The following CRB1 variants were observed in gnomAD, a reference collection of about 807,000 sequenced individuals.
CRB1 encodes protein crumbs homolog 1.
Under a neutral mutation model 120.0 loss-of-function variants are expected in CRB1, and 83 were observed. The ratio of observed to expected loss-of-function variants is 0.69; its 90% CI spans 0.58 to 0.83. CRB1 has a LOEUF of 0.83. CRB1 is among the 40% of genes least tolerant of loss of function. The pLI is 0.00. For synonymous variants in CRB1, 625 were observed against 612.5 expected (o/e 1.02, Z -0.30); for missense variants, 1,699 against 1,687.6 (o/e 1.01, Z -0.12).
chr1:197,210,103 A>AT, the CRB1 span, among the ~76,000 whole-genome samples: 1 of 152,212 alleles, frequency 6.6e-6, no homozygotes, highest in East Asian at 1.9e-4. Flanking sequence ...CCTATTCACC[A>AT]TTTTTTCCCT....
intron 5 of CRB1, among the ~76,000 whole-genome samples, chr1:197,389,357 G>C (rs1310451176): frequency 3.9e-5 from 6 of 152,028 alleles, no homozygotes; most frequent in Non-Finnish European, 8.8e-5. Context: ...ATATAATTCA[G>C]GCTTAAAAAG....
chr1:197,467,021 C>T (rs1447576500), intron 11 of CRB1, among the ~76,000 whole-genome samples: 1 of 152,026 alleles, frequency 6.6e-6, no homozygotes, highest in Non-Finnish European at 1.5e-5. Flanking sequence ...GAGATAAGAC[C>T]ATCAATGAGA....
chr1:197,216,795 C>A, the CRB1 span, among the ~76,000 whole-genome samples: 20 of 152,232 alleles, frequency 1.3e-4, no homozygotes, highest in Non-Finnish European at 5.9e-5. Context: ...TGCCATAGGT[C>A]AGGAATGAGG....
At chr1:197,344,177 A>G in intron 2 of CRB1, 104 bp from the exon 3 acceptor site, 1 of 1,127,808 alleles carries the variant, frequency 8.9e-7, no homozygotes, top group Admixed American at 1.7e-5. Context: ...TGGGTAACAG[A>G]ACATTTGACA....
intron 5 of CRB1, among the ~76,000 whole-genome samples, chr1:197,393,079 T>G (rs1662591169): frequency 6.6e-6 from 1 of 152,050 alleles, no homozygotes; most frequent in Non-Finnish European, 1.5e-5. Context: ...AACATAAATA[T>G]AGTTAGGGCT....
rs770368026 is a variant in CRB1 at position 197,477,814 on chromosome 1, A to G, written c.4156A>G (p.Lys1386Glu). The change falls in exon 12 of 12, where the codon AAG becomes GAG. Residue 1386 changes from lysine (K) to glutamate (E), a missense_variant. Physicochemically the swap from Lys to Glu is moderately conservative, Grantham distance 56. Transcript: ENST00000367400. ...QGTYSPSRQE[K>E]EGSRVEMWNL... ...AACCTACAGCCCCAGCCGTCAGGAGAAGGAGGGCTCCCGAGTGGAAATGTG... is the reference window on the plus strand; with the variant it reads ...AACCTACAGCCCCAGCCGTCAGGAGGAGGAGGGCTCCCGAGTGGAAATGTG... 15 of 1,613,736 alleles carry G rather than the reference A, an allele frequency of 9.3e-6. No individual in the cohort carries two copies. In the South Asian group the frequency reaches 1.5e-4, roughly 17 times the overall value.
upstream of CRB1, chr1:197,268,060 G>A (rs1389559680): frequency 7.3e-5 from 19 of 261,000 alleles, no homozygotes; most frequent in South Asian, 7.2e-4. Context: ...TCCCTCTATT[G>A]AGAGCAATTG....
intron 4 of CRB1, among the ~76,000 whole-genome samples, chr1:197,349,212 G>T (rs908309699): frequency 5.3e-5 from 8 of 152,308 alleles, no homozygotes; most frequent in Admixed American, 2.0e-4. Flanking sequence ...GTACAGGTTT[G>T]TAGCCTAGCA....
intron 1 of CRB1, among the ~76,000 whole-genome samples, chr1:197,277,143 A>T (rs1274374446): frequency 6.6e-6 from 1 of 151,964 alleles, no homozygotes; most frequent in Non-Finnish European, 1.5e-5. Flanking sequence ...AAAAGTTTTC[A>T]TTCTACCTTT....
Position 197,477,504 on chromosome 1 carries a change from A to G in CRB1, c.4006-160A>G, listed in dbSNP as rs756684465. On this transcript the variant is annotated intron_variant, in intron 11 of 11. Transcript: ENST00000367400. Reference sequence around the variant, plus strand: ...ATGATTATTTGTAAATGATTTGAGAATAAGAAAATCTGACTTTCTTTTAAT... The same window carrying G: ...ATGATTATTTGTAAATGATTTGAGAGTAAGAAAATCTGACTTTCTTTTAAT... 5 of 725,064 alleles carry G rather than the reference A, an allele frequency of 6.9e-6. No individual in the cohort carries two copies. In the South Asian group the frequency reaches 7.5e-5, roughly 11 times the overall value. 44.9% of individuals were successfully genotyped at this position (725,064 alleles called of 1,614,324 possible). A position where few individuals can be genotyped will look rare whatever the true frequency, so the allele number is the denominator to read the frequency against.
intron 11 of CRB1, among the ~76,000 whole-genome samples, chr1:197,470,335 A>G (rs933520845): frequency 6.6e-6 from 1 of 152,216 alleles, no homozygotes. Context: ...GAGGATGGTC[A>G]GGGAAGGTCT....
chr1:197,429,205 C>T, intron 7 of CRB1: 12 of 1,501,864 alleles, frequency 8.0e-6, no homozygotes, highest in Non-Finnish European at 1.1e-5. Flanking sequence ...AAAAACCCTC[C>T]TTGTGCTATG....
chr1:197,379,759 T>G (rs890700799), intron 5 of CRB1, among the ~76,000 whole-genome samples: 1 of 152,188 alleles, frequency 6.6e-6, no homozygotes, highest in African/African-American at 2.4e-5. Flanking sequence ...ATAATAAGTT[T>G]CATAAGATGG....
At chr1:197,440,005 G>A (rs1275006961) in intron 10 of CRB1, 1 of 152,168 alleles carries the variant, frequency 6.6e-6, no homozygotes, top group African/African-American at 2.4e-5. Context: ...ATATGTGCAT[G>A]AAAGGAGATA....
At chr1:197,420,659 C>A (rs1011383124) in intron 5 of CRB1, among the ~76,000 whole-genome samples, 1 of 152,190 alleles carries the variant, frequency 6.6e-6, no homozygotes, top group Non-Finnish European at 1.5e-5. Context: ...TTGTATCTTA[C>A]ATCAGTGCCA....
intron 1 of CRB1, among the ~76,000 whole-genome samples, chr1:197,272,498 C>T (rs1220818829): frequency 6.6e-6 from 1 of 151,852 alleles, no homozygotes; most frequent in Non-Finnish European, 1.5e-5. Context: ...TTCATGGTCT[C>T]ACAATAACAA....
chr1:197,475,035 G>A lies in CRB1; in HGVS notation c.4006-2629G>A, dbSNP rs1248661916. On this transcript the variant is annotated intron_variant, in intron 11 of 11. Transcript: ENST00000367400. ...CATGGCCACACAGTATGGATGGAGA[G>A]TTTGCCCTCTAGTTGACATAAACTA... 4.6e-5 allele frequency among the ~76,000 whole-genome samples: 7 copies of A among 152,222 alleles called. No homozygotes were observed. The East Asian group carries it at 1.4e-3, about 29-fold the overall frequency.
chr1:197,372,051 C>T (rs1446783004), intron 5 of CRB1, among the ~76,000 whole-genome samples: 1 of 152,132 alleles, frequency 6.6e-6, no homozygotes, highest in Admixed American at 6.6e-5. Flanking sequence ...ATATGCCACT[C>T]CATGAGCCAC....
intron 5 of CRB1, among the ~76,000 whole-genome samples, chr1:197,387,104 A>G (rs1662255148): frequency 6.6e-6 from 1 of 151,950 alleles, no homozygotes; most frequent in Non-Finnish European, 1.5e-5. Flanking sequence ...CTTGTTCCCA[A>G]CATAATCTTT....
Sources: gnomAD v4.1 joint callset for allele counts (sites outside exome capture counted in the v4.1 genomes callset) on GRCh38, gnomAD v4.1.1 for gene constraint, MANE v1.5 for transcripts, NCBI Gene and HGNC (gene_info 2026-07-23, HGNC 2026-07-21) for gene names.